WDR36: variants seen among roughly 807,000 people sequenced by gnomAD.
WDR36 encodes the protein WD repeat domain 36, also known as WD repeat-containing protein 36.
WDR36 carries 63 observed loss-of-function variants against 112.7 expected under a neutral mutation model. That is an observed-to-expected ratio of 0.56 (90% CI 0.46 to 0.69). The LOEUF is 0.69. Among genes scored for constraint, WDR36 ranks in the 30% least tolerant of loss-of-function variants. The pLI is 0.00. For missense variants in WDR36, 1,226 were observed against 1,070.3 expected, an observed-to-expected ratio of 1.15 and a Z score of -2.03; for synonymous variants, 410 against 362.2, an observed-to-expected ratio of 1.13 and a Z score of -1.50.
chr5:111,095,122 TTATG>T, intron 2 of WDR36, 175 bp downstream of exon 2: 1 of 610,614 alleles, frequency 1.6e-6, no homozygotes, highest in Non-Finnish European at 2.9e-6. Context: ...CTTTTAGTTG[TTATG>T]TATCTTTATT....
chr5:111,096,661 A>C (rs1051201351), intron 2 of WDR36, among the ~76,000 whole-genome samples: 2 of 152,022 alleles, frequency 1.3e-5, no homozygotes, highest in Non-Finnish European at 2.9e-5. Context: ...CCAAGATTGC[A>C]TCACTGCACT....
intron 16 of WDR36, among the ~76,000 whole-genome samples, chr5:111,115,215 T>C (rs1452234582): frequency 6.6e-6 from 1 of 152,218 alleles, no homozygotes; most frequent in Non-Finnish European, 1.5e-5. Context: ...AAAAGTATAT[T>C]TTTATTAAAG....
Position 111,119,016 on chromosome 5 carries a change from T to C in WDR36, c.1800T>C (p.Leu600=). 1.2e-6 allele frequency: 2 copies of C among 1,612,314 alleles called. No individual in the cohort carries two copies. The highest frequency in any genetic ancestry group is 2.2e-5 in the South Asian group (2 of 91,048). Residue 600 remains leucine (L), a synonymous_variant, in exon 17 of 23, where the codon CTT becomes CTC. Transcript: ENST00000513710. ...AACATGTTAATTATTTCTGTAGCCT[T>C]ATAGACTGCTTTTTGTTGGACTCGG... The part of the protein sequence containing the change: ...IRTWDLPSGC[L]IDCFLLDSAP...
chr5:111,106,241 A>G, intron 11 of WDR36, 98 bp downstream of exon 11: 1 of 1,131,452 alleles, frequency 8.8e-7, no homozygotes, highest in Non-Finnish European at 1.3e-6. Context: ...GCTTTTACAA[A>G]TATTAATAAG....
chr5:111,104,211 T>C lies in WDR36; in HGVS notation c.765T>C (p.Cys255=). Reference sequence around the variant, plus strand: ...CAGTAATGGCAGCTGGAAGCCCATGTGGCCATATTGGACTCTGGGATCTAG... The same window carrying C: ...CAGTAATGGCAGCTGGAAGCCCATGCGGCCATATTGGACTCTGGGATCTAG... ...GHPVMAAGSP[C]GHIGLWDLED... Residue 255 remains cysteine, a synonymous_variant, in exon 8 of 23, where the codon TGT becomes TGC. Coordinates refer to ENST00000513710, the MANE Select transcript of WDR36 (RefSeq NM_139281.3). 1.2e-6 allele frequency: 2 copies of C among 1,611,636 alleles called. No homozygotes were observed. Among genetic ancestry groups the C allele is most frequent in the Non-Finnish European group, 1.7e-6 (2 of 1,178,354 alleles).
Position 111,110,917 on chromosome 5 carries a change from G to T in WDR36, c.1571G>T (p.Ser524Ile). 1 of 1,611,448 alleles carries T rather than the reference G, an allele frequency of 6.2e-7. No individual in the cohort carries two copies. Among genetic ancestry groups the T allele is most frequent in the Non-Finnish European group, 8.5e-7 (1 of 1,178,462 alleles). Residue 524 changes from serine to isoleucine, a missense_variant, in exon 14 of 23, where the codon AGT (serine) becomes ATT (isoleucine). Ser to Ile is a moderately radical substitution (Grantham distance 142, BLOSUM62 -2). Coordinates refer to ENST00000513710, the MANE Select transcript of WDR36 (RefSeq NM_139281.3). ...NKILIHSVSL[S>I]SSPNIMLLHR... ...ATTTTAATCCATTCTGTGAGCCTCAGTTCATCTCCAAATATCATGTTGCTA... is the reference window on the plus strand; with the variant it reads ...ATTTTAATCCATTCTGTGAGCCTCATTTCATCTCCAAATATCATGTTGCTA...
At chr5:111,121,326 A>G (rs1753562898) in intron 19 of WDR36, among the ~76,000 whole-genome samples, 185 bp downstream of exon 19, 1 of 152,182 alleles carries the variant, frequency 6.6e-6, no homozygotes, top group Non-Finnish European at 1.5e-5. Flanking sequence ...ATATTCATAT[A>G]TATATCAACT....
intron 17 of WDR36, 131 bp from the exon 18 acceptor site, chr5:111,120,364 AT>A (rs1269704722): frequency 6.9e-6 from 5 of 727,980 alleles, no homozygotes; most frequent in Non-Finnish European, 9.2e-6. Flanking sequence ...GCGTTTTTAA[AT>A]TGATAACAAT....
chr5:111,105,538 T>C (rs1434530633), intron 10 of WDR36, among the ~76,000 whole-genome samples, 178 bp downstream of exon 10: 3 of 151,498 alleles, frequency 2.0e-5, no homozygotes, highest in African/African-American at 4.8e-5. Context: ...GTGATTGAGG[T>C]TCTGCTATAA....
At chr5:111,122,717 T>G (rs1406161974) in intron 19 of WDR36, among the ~76,000 whole-genome samples, 4 of 152,212 alleles carry the variant, frequency 2.6e-5, no homozygotes. Context: ...TGGAATAGAA[T>G]GTCTCCCTAG....
At chr5:111,104,374 T>A (rs1293966406) in intron 8 of WDR36, 22 bp downstream of exon 8, 2 of 1,611,398 alleles carry the variant, frequency 1.2e-6, no homozygotes, top group Non-Finnish European at 1.7e-6. Flanking sequence ...ATTGTTAACA[T>A]CTTCCTGGCT....
chr5:111,094,792 GTA>G (rs1752941900), intron 1 of WDR36, 126 bp from the exon 2 acceptor site: 1 of 757,674 alleles, frequency 1.3e-6, no homozygotes, highest in Non-Finnish European at 2.2e-6. Flanking sequence ...ATTAGTGTCA[GTA>G]AGTGTCTTTC....
At chr5:111,102,254 C>T in intron 5 of WDR36, 91 bp from the exon 6 acceptor site, 1 of 915,886 alleles carries the variant, frequency 1.1e-6, no homozygotes, top group Non-Finnish European at 1.7e-6. Flanking sequence ...ATAAATATCA[C>T]CTATTATTAT....
chr5:111,092,570 C>A lies in WDR36; in HGVS notation c.114C>A (p.Arg38=). 6.2e-7 allele frequency: 1 copy of A among 1,614,180 alleles called. No homozygotes were observed. Among genetic ancestry groups the A allele is most frequent in the South Asian group, 1.1e-5 (1 of 91,084 alleles). Residue 38 remains arginine, a synonymous_variant, in exon 1 of 23, where the codon CGC becomes CGA. Coordinates refer to ENST00000513710, the MANE Select transcript of WDR36 (RefSeq NM_139281.3). ...TGGTGCGGTTCAGCGCGCTCAAGCG[C>A]CGGTTCTATGTAACAACCTGCGTGG... ...PHVVRFSALK[R]RFYVTTCVGK... is the part of the protein sequence containing the mutation.
intron 10 of WDR36, among the ~76,000 whole-genome samples, 193 bp downstream of exon 10, chr5:111,105,553 A>G (rs554472513): frequency 1.3e-5 from 2 of 151,724 alleles, no homozygotes; most frequent in Non-Finnish European, 3.0e-5. Context: ...CTATAAGGTT[A>G]TTGAAAAAAG....
At chr5:111,120,380 C>G in intron 17 of WDR36, 116 bp from the exon 18 acceptor site, 1 of 814,222 alleles carries the variant, frequency 1.2e-6, no homozygotes, top group Non-Finnish European at 2.0e-6. Context: ...AACAATCTAT[C>G]TTTGAGGTAT....
chr5:111,110,015 T>C (rs1189403006), intron 12 of WDR36, among the ~76,000 whole-genome samples, 174 bp from the exon 13 acceptor site: 1 of 151,498 alleles, frequency 6.6e-6, no homozygotes, highest in Non-Finnish European at 1.5e-5. Context: ...ATCTAGCATA[T>C]ATTCTTATAC....
rs1484126577 is a variant in WDR36 at position 111,128,355 on chromosome 5, A to T, written c.*1472A>T. On this transcript the variant is annotated 3_prime_UTR_variant, in exon 23 of 23. Coordinates refer to ENST00000513710, the MANE Select transcript of WDR36 (RefSeq NM_139281.3). Reference sequence around the variant, plus strand: ...TGTAAGATAGAATTAATAAACTACTAAGGAAATAAGCCAATGTGGTTATTG... The same window carrying T: ...TGTAAGATAGAATTAATAAACTACTTAGGAAATAAGCCAATGTGGTTATTG... 5.4e-6 allele frequency: 1 copy of T among 184,752 alleles called. No individual in the cohort carries two copies. Among genetic ancestry groups the T allele is most frequent in the East Asian group, 8.7e-5 (1 of 11,510 alleles). The allele number at this position is 184,752 out of a possible 1,614,324, so 11.4% of individuals were successfully genotyped here.
At position 111,113,054 on chromosome 5, in the gene WDR36, T is replaced by TCTATA; in HGVS notation, c.1717-20_1717-19insCTATA. 1 of 276,052 alleles carries TCTATA rather than the reference T, an allele frequency of 3.6e-6. No individual in the cohort carries two copies. The highest frequency in any genetic ancestry group is 5.6e-6 in the Non-Finnish European group (1 of 179,224). The allele number at this position is 276,052 out of a possible 1,614,324, so 17.1% of individuals were successfully genotyped here. On this transcript the variant is annotated intron_variant, in intron 15 of 22. Coordinates refer to ENST00000513710, the MANE Select transcript of WDR36 (RefSeq NM_139281.3). ...ATAAATAATATATATATATATATAT[T>TCTATA]TTTTTTTTTTAATTTAAAGGCTTTT... is the stretch of plus-strand genomic sequence containing the variant.
Sources: allele counts gnomAD v4.1 joint callset (sites outside exome capture counted in the v4.1 genomes callset), GRCh38; gene constraint gnomAD v4.1.1; transcripts MANE v1.5; gene names NCBI Gene and HGNC (gene_info 2026-07-23, HGNC 2026-07-21).